Variants in MINAR1 observed in about 807,000 individuals in gnomAD.
MINAR1 encodes the protein major intrinsically disordered Notch2-binding receptor 1.
Under a neutral mutation model 65.1 loss-of-function variants are expected in MINAR1, and 40 were observed. That is an observed-to-expected ratio of 0.61 (90% CI 0.48 to 0.80). The LOEUF is 0.80. Among genes scored for constraint, MINAR1 ranks in the 30% least tolerant of loss-of-function variants. The probability of loss-of-function intolerance (pLI) is 0.00; values close to 1 mark genes in which losing one functional copy is unlikely to be tolerated. For missense variants in MINAR1, 1,128 were observed against 1,148.0 expected (o/e 0.98, Z 0.25); for synonymous variants, 482 against 449.1 (o/e 1.07, Z -0.93).
rs941846777 is a variant in MINAR1 at position 79,457,781 on chromosome 15, C to T, written c.1634C>T (p.Thr545Ile). Residue 545 changes from threonine (T) to isoleucine (I), a missense_variant, in exon 2 of 4, where the codon ACA becomes ATA. By Grantham distance (89) the Thr-to-Ile change is moderately conservative. Transcript: ENST00000305428. ...GVIQSSCYNS[T>I]GSLSQLHKSD... is the part of the protein sequence containing the mutation. ...ATACAGTCGTCCTGCTACAACAGCACAGGATCCTTGTCTCAGCTCCATAAG... is the reference window on the plus strand; with the variant it reads ...ATACAGTCGTCCTGCTACAACAGCATAGGATCCTTGTCTCAGCTCCATAAG... 86 of 1,614,150 alleles carry T rather than the reference C, an allele frequency of 5.3e-5. No individual in the cohort carries two copies. Among genetic ancestry groups the T allele is most frequent in the Non-Finnish European group, 7.2e-5 (85 of 1,180,024 alleles).
upstream of MINAR1, among the ~76,000 whole-genome samples, chr15:79,428,380 C>T (rs1248196000): frequency 9.1e-6 from 1 of 109,656 alleles, no homozygotes; most frequent in Non-Finnish European, 1.8e-5. Flanking sequence ...CTTCCCCTTC[C>T]CTCCCTCCTC....
intron 1 of MINAR1, among the ~76,000 whole-genome samples, chr15:79,442,419 C>T (rs1244946161): frequency 6.6e-6 from 1 of 151,942 alleles, no homozygotes; most frequent in African/African-American, 2.4e-5. Context: ...CTGCTACTTT[C>T]TATTCTGTTC....
At chr15:79,452,628 CTGTGTG>C (rs367728486) in intron 1 of MINAR1, among the ~76,000 whole-genome samples, 7 of 113,532 alleles carry the variant, frequency 6.2e-5, no homozygotes, top group South Asian at 3.2e-4. Context: ...CTGGATGAGT[CTGTGTG>C]TGTGTGGGTG....
At chr15:79,445,838 G>A (rs187075260) in intron 1 of MINAR1, among the ~76,000 whole-genome samples, 259 of 152,308 alleles carry the variant, frequency 1.7e-3, no homozygotes, top group South Asian at 3.7e-3. Context: ...GTGAGCCACC[G>A]TGCCCAGCCT....
Position 79,456,376 on chromosome 15 carries a change from C to A in MINAR1, c.229C>A (p.Gln77Lys). The A allele has an allele frequency of 6.2e-7, 1 of 1,614,176 alleles. No homozygotes were observed. Among genetic ancestry groups the A allele is most frequent in the Non-Finnish European group, 8.5e-7 (1 of 1,180,036 alleles). Residue 77 changes from glutamine (Q) to lysine (K), a missense_variant, in exon 2 of 4, where the codon CAA becomes AAA. Gln to Lys is a moderately conservative substitution (Grantham distance 53). Coordinates refer to ENST00000305428, the MANE Select transcript of MINAR1 (RefSeq NM_015206.3). Reference sequence around the variant, plus strand: ...GATGAAATGCACTGTGAATAACCAGCAATCAAAGAAAATCATGGTGGCAGC... The same window carrying A: ...GATGAAATGCACTGTGAATAACCAGAAATCAAAGAAAATCATGGTGGCAGC... Reference protein sequence around the residue: ...DKMKCTVNNQQSKKIMVAADI... With the variant: ...DKMKCTVNNQKSKKIMVAADI...
upstream of MINAR1, among the ~76,000 whole-genome samples, chr15:79,428,801 A>T (rs1412834666): frequency 6.6e-6 from 1 of 152,166 alleles, no homozygotes; most frequent in Non-Finnish European, 1.5e-5. Context: ...ATACATCTAA[A>T]ATGTACCACA....
intron 1 of MINAR1, among the ~76,000 whole-genome samples, chr15:79,443,192 G>A (rs1192314091): frequency 1.3e-5 from 2 of 152,252 alleles, no homozygotes; most frequent in Admixed American, 1.3e-4. Flanking sequence ...AGGCTTTGCT[G>A]TATCAAAATG....
chr15:79,452,715 G>GGT (rs143037083), intron 1 of MINAR1, among the ~76,000 whole-genome samples: 38,347 of 116,976 alleles, frequency 0.33, 5,573 homozygotes, highest in East Asian at 0.43. Flanking sequence ...TGAGTGTGTG[G>GGT]GTGTGGGTGA....
At chr15:79,452,294 G>C (rs1179606031) in intron 1 of MINAR1, among the ~76,000 whole-genome samples, 2 of 152,024 alleles carry the variant, frequency 1.3e-5, no homozygotes, top group African/African-American at 4.8e-5. Flanking sequence ...GTGTGAAGCT[G>C]GGAAGCTGTG....
the MINAR1 span, chr15:79,420,406 A>G: frequency 6.6e-6 from 1 of 152,238 alleles, no homozygotes; most frequent in Non-Finnish European, 1.5e-5. Context: ...TATACAGTAA[A>G]ATAAGAATAA....
the MINAR1 span, chr15:79,411,818 C>A: frequency 3.4e-6 from 1 of 290,822 alleles, no homozygotes; most frequent in Non-Finnish European, 6.7e-6. Context: ...GGAGCATTTG[C>A]AATAAAGCAT....
At chr15:79,452,809 C>T (rs1400035664) in intron 1 of MINAR1, among the ~76,000 whole-genome samples, 2 of 138,778 alleles carry the variant, frequency 1.4e-5, no homozygotes, top group African/African-American at 5.4e-5. Flanking sequence ...GTGTGAAGCT[C>T]TGTGGGTGTG....
chr15:79,422,798 C>T, the MINAR1 span: 1 of 152,012 alleles, frequency 6.6e-6, no homozygotes, highest in South Asian at 2.1e-4. Context: ...TTTGGCCAGA[C>T]CACAGAAGAA....
At chr15:79,464,842 C>A (rs182194482) in intron 3 of MINAR1, among the ~76,000 whole-genome samples, 1 of 151,562 alleles carries the variant, frequency 6.6e-6, no homozygotes. Context: ...CAACTTCCTG[C>A]GGGCAAGGAG....
In MINAR1 at chr15:79,464,277, A is replaced by T. The variant is rs143122775; in HGVS notation, c.2553+956A>T. On this transcript the variant is annotated intron_variant, in intron 3 of 3. Transcript: ENST00000305428. Reference sequence around the variant, plus strand: ...CATAATAATATCAAGCTTGTGAGTCATTGTAAGAATTAATATATTTAAAGT... The same window carrying T: ...CATAATAATATCAAGCTTGTGAGTCTTTGTAAGAATTAATATATTTAAAGT... Among the ~76,000 whole-genome samples the T allele has an allele frequency of 4.8e-3, 727 of 152,346 alleles. 8 individuals are homozygous for T. Among genetic ancestry groups the T allele is most frequent in the African/African-American group, 0.017 (691 of 41,572 alleles).
At chr15:79,441,605 A>G (rs1894871256) in intron 1 of MINAR1, among the ~76,000 whole-genome samples, 1 of 152,220 alleles carries the variant, frequency 6.6e-6, no homozygotes, top group East Asian at 1.9e-4. Context: ...GCTTCATTTC[A>G]AGGGTATGCG....
At chr15:79,467,802 G>T (rs992824782) in intron 3 of MINAR1, among the ~76,000 whole-genome samples, 2 of 152,230 alleles carry the variant, frequency 1.3e-5, no homozygotes, top group Non-Finnish European at 2.9e-5. Flanking sequence ...CTTAGAGCCT[G>T]TTGGAAGAAA....
At chr15:79,440,935 G>A (rs957113688) in intron 1 of MINAR1, among the ~76,000 whole-genome samples, 5 of 151,928 alleles carry the variant, frequency 3.3e-5, no homozygotes, top group Admixed American at 3.3e-4. Context: ...TTTGTTCATT[G>A]TCTGCCTTAC....
In MINAR1 at chr15:79,468,189, G is replaced by A. The variant is rs77790285; in HGVS notation, c.2556G>A (p.Thr852=). The A allele has an allele frequency of 8.9e-5, 144 of 1,612,328 alleles. No individual in the cohort carries two copies. The highest frequency in any genetic ancestry group is 1.1e-4 in the African/African-American group (8 of 74,938). The part of the protein sequence containing the change: ...KGKLTALDLQ[T]QESLNPNNLE... ...TAACATCTTCTCTTCGCTTTTAGAC[G>A]CAAGAATCTTTAAACCCAAATAATT... is the stretch of plus-strand genomic sequence containing the variant. The change falls in exon 4 of 4, where the codon ACG becomes ACA. Residue 852 remains threonine, a splice_region_variant and synonymous_variant. Coordinates refer to ENST00000305428, the MANE Select transcript of MINAR1 (RefSeq NM_015206.3).
Sources: allele counts gnomAD v4.1 joint callset (sites outside exome capture counted in the v4.1 genomes callset), GRCh38; gene constraint gnomAD v4.1.1; transcripts MANE v1.5; gene names NCBI Gene and HGNC (gene_info 2026-07-23, HGNC 2026-07-21).